Variants in CLASP1 observed in about 807,000 individuals in gnomAD.
The protein encoded by CLASP1 is cytoplasmic linker associated protein 1, also known as CLIP-associating protein 1.
A neutral mutation model predicts 192.3 loss-of-function variants in CLASP1; 38 were observed. The ratio of observed to expected loss-of-function variants is 0.20; its 90% CI spans 0.15 to 0.26. CLASP1 has a LOEUF of 0.26. Ranked by LOEUF, CLASP1 falls within the 10% of genes least tolerant of loss-of-function variation. CLASP1 has a pLI of 1.00. For missense variants in CLASP1, 1,433 were observed against 1,932.5 expected (o/e 0.74, Z 4.85); for synonymous variants, 691 against 712.8 (o/e 0.97, Z 0.49).
chr2:121,566,412 G>A (rs952330233), intron 2 of CLASP1, among the ~76,000 whole-genome samples: 1 of 152,162 alleles, frequency 6.6e-6, no homozygotes, highest in Non-Finnish European at 1.5e-5. Context: ...TCTGTAAAAC[G>A]TAAGCAATAA....
chr2:121,347,837 C>A (rs540958538), intron 38 of CLASP1, among the ~76,000 whole-genome samples: 40 of 152,324 alleles, frequency 2.6e-4, no homozygotes, highest in Non-Finnish European at 4.7e-4. Context: ...GCCCAGCAAA[C>A]AGCAGCATTG....
chr2:121,430,067 T>C lies in CLASP1; in HGVS notation c.2017+6A>G. ...GGTAAGCAAGAGCATAAAATATGTT[T>C]CTTACGCTGGGACTGTGAAACCACT... On this transcript the variant is annotated splice_donor_region_variant and intron_variant, in intron 20 of 39. Transcript: ENST00000263710. 6.4e-7 allele frequency: 1 copy of C among 1,554,258 alleles called. No homozygotes were observed. The highest frequency in any genetic ancestry group is 8.7e-7 in the Non-Finnish European group (1 of 1,146,892).
chr2:121,553,651 A>C (rs2058250311), intron 2 of CLASP1, among the ~76,000 whole-genome samples: 1 of 152,120 alleles, frequency 6.6e-6, no homozygotes, highest in Non-Finnish European at 1.5e-5. Flanking sequence ...CAGTGAGCCA[A>C]GATCGCGTCA....
chr2:121,496,097 TC>T, intron 8 of CLASP1, among the ~76,000 whole-genome samples: 1 of 152,284 alleles, frequency 6.6e-6, no homozygotes, highest in Non-Finnish European at 1.5e-5. Context: ...TGTCCACACT[TC>T]CCCACACAGG....
At chr2:121,343,933 T>C (rs2063104509) in intron 39 of CLASP1, among the ~76,000 whole-genome samples, 1 of 152,010 alleles carries the variant, frequency 6.6e-6, no homozygotes, top group Admixed American at 6.6e-5. Context: ...TAGCTGGGCG[T>C]GGTGGCAGGC....
chr2:121,342,607 C>T (rs533264675), intron 39 of CLASP1, among the ~76,000 whole-genome samples: 47 of 151,894 alleles, frequency 3.1e-4, no homozygotes, highest in Non-Finnish European at 5.9e-4. Context: ...CAGGAGAAAA[C>T]AATAAAGATT....
chr2:121,559,224 T>C (rs767662805), intron 2 of CLASP1, among the ~76,000 whole-genome samples: 46 of 152,276 alleles, frequency 3.0e-4, no homozygotes, highest in Non-Finnish European at 5.4e-4. Context: ...ATGGAGAAAC[T>C]GAAATCCTCA....
intron 35 of CLASP1, among the ~76,000 whole-genome samples, chr2:121,366,705 G>A (rs1193356935): frequency 6.6e-6 from 1 of 152,204 alleles, no homozygotes; most frequent in Non-Finnish European, 1.5e-5. Flanking sequence ...GAATTCTAAT[G>A]TAGGTTCTAA....
intron 2 of CLASP1, among the ~76,000 whole-genome samples, chr2:121,539,345 G>A (rs959743737): frequency 1.3e-5 from 2 of 152,064 alleles, no homozygotes; most frequent in African/African-American, 2.4e-5. Flanking sequence ...AAACAGATTC[G>A]GGCCTATGAG....
At chr2:121,442,875 A>T (rs1423990594) in intron 19 of CLASP1, among the ~76,000 whole-genome samples, 2 of 150,998 alleles carry the variant, frequency 1.3e-5, no homozygotes, top group African/African-American at 2.5e-5. Context: ...ATAAATTTTT[A>T]AAAGGCCCAT....
chr2:121,450,854 T>C, intron 16 of CLASP1, 59 bp downstream of exon 16: 2 of 1,231,602 alleles, frequency 1.6e-6, no homozygotes, highest in East Asian at 4.6e-5. Context: ...GGCAATCCTA[T>C]AATTCATGTG....
At chr2:121,560,303 T>C (rs1423769539) in intron 2 of CLASP1, among the ~76,000 whole-genome samples, 2 of 152,246 alleles carry the variant, frequency 1.3e-5, no homozygotes, top group African/African-American at 4.8e-5. Flanking sequence ...CAGAACAGTA[T>C]GCAGAATAGT....
intron 2 of CLASP1, among the ~76,000 whole-genome samples, chr2:121,582,575 G>A (rs1405783323): frequency 1.3e-5 from 2 of 148,964 alleles, no homozygotes; most frequent in Non-Finnish European, 3.0e-5. Context: ...AAGGAACAAA[G>A]ACAGGAAGAC....
intron 1 of CLASP1, among the ~76,000 whole-genome samples, chr2:121,623,699 A>C (rs1237557120): frequency 6.6e-6 from 1 of 152,032 alleles, no homozygotes; most frequent in African/African-American, 2.4e-5. Flanking sequence ...TGCTAATTCA[A>C]TCTCTTTACT....
At chr2:121,445,258 T>C (rs1235632044) in intron 19 of CLASP1, among the ~76,000 whole-genome samples, 1 of 152,084 alleles carries the variant, frequency 6.6e-6, no homozygotes, top group Non-Finnish European at 1.5e-5. Flanking sequence ...TTTAGCCAAC[T>C]CTCATCCTCT....
At chr2:121,357,126 C>T (rs1429230185) in intron 37 of CLASP1, among the ~76,000 whole-genome samples, 2 of 152,170 alleles carry the variant, frequency 1.3e-5, no homozygotes, top group African/African-American at 2.4e-5. Context: ...CAAATATAGA[C>T]GGATTCCAAA....
exon 19 of CLASP1, chr2:121,447,479 T>A: frequency 6.4e-7 from 1 of 1,554,606 alleles, no homozygotes; most frequent in Non-Finnish European, 8.7e-7. Context: ...ACCCAGTCGT[T>A]GACACAGATT....
intron 2 of CLASP1, among the ~76,000 whole-genome samples, chr2:121,562,742 T>C (rs1445742197): frequency 6.6e-6 from 1 of 152,194 alleles, no homozygotes; most frequent in African/African-American, 2.4e-5. Flanking sequence ...TTTATTATTG[T>C]TCAGGTTTTG....
At chr2:121,403,722 A>C in intron 26 of CLASP1, 1 of 460,030 alleles carries the variant, frequency 2.2e-6, no homozygotes, top group Non-Finnish European at 4.4e-6. Flanking sequence ...CTTTTCCACC[A>C]CCCCTGGAAA....
Sources: allele counts gnomAD v4.1 joint callset (sites outside exome capture counted in the v4.1 genomes callset), GRCh38; gene constraint gnomAD v4.1.1; transcripts MANE v1.5; gene names NCBI Gene and HGNC (gene_info 2026-07-23, HGNC 2026-07-21).